Variants in TMEM74 observed in about 807,000 individuals in gnomAD.
TMEM74 encodes transmembrane protein 74.
TMEM74 carries 13 observed loss-of-function variants against 18.1 expected under a neutral mutation model. The observed-to-expected ratio is 0.72, with a 90% CI of 0.47 to 1.14. The LOEUF is 1.14. TMEM74 is among the 50% of genes most tolerant of loss of function. TMEM74 has a pLI of 0.00. For missense variants in TMEM74, 372 were observed against 375.9 expected (o/e 0.99, Z 0.09); for synonymous variants, 159 against 146.6 (o/e 1.08, Z -0.61).
In TMEM74 at chr8:108,764,993, G is replaced by A. The variant is rs191901571; in HGVS notation, n.119+22483C>T. ...TATATCACATTTTTAGGGCTCTGAT[G>A]TGTCTGGGCCTTCTAGTCTCTTCCC... On this transcript the variant is annotated intron_variant and non_coding_transcript_variant, in intron 1 of 3. Coordinates refer to the TMEM74 transcript ENST00000518838. 3.7e-4 allele frequency among the ~76,000 whole-genome samples: 57 copies of A among 152,248 alleles called. 1 individual carries two copies. The highest frequency in any genetic ancestry group is 2.7e-3 in the Admixed American group (42 of 15,294).
intron 1 of TMEM74, among the ~76,000 whole-genome samples, chr8:108,748,800 G>A (rs1339621290): frequency 1.3e-5 from 2 of 151,496 alleles, no homozygotes; most frequent in Non-Finnish European, 2.9e-5. Context: ...TCCAGTTTCA[G>A]TTTTTCTCAT....
chr8:108,662,515 CA>C (rs1300683060), intron 1 of TMEM74, among the ~76,000 whole-genome samples: 1 of 152,086 alleles, frequency 6.6e-6, no homozygotes. Flanking sequence ...CGTTTTTCCA[CA>C]AAGAGTTTAG....
chr8:108,683,793 A>G (rs1024469137), intron 1 of TMEM74, among the ~76,000 whole-genome samples: 2 of 151,796 alleles, frequency 1.3e-5, no homozygotes, highest in African/African-American at 4.8e-5. Flanking sequence ...CCTCTATTCT[A>G]CTCTTTACTT....
At chr8:108,638,806 C>G (rs747490464) in intron 2 of TMEM74, among the ~76,000 whole-genome samples, 2 of 152,074 alleles carry the variant, frequency 1.3e-5, no homozygotes, top group Non-Finnish European at 2.9e-5. Context: ...GTGGGCTGAT[C>G]GCATTAATAG....
At chr8:108,705,001 A>G (rs545458183) in intron 1 of TMEM74, among the ~76,000 whole-genome samples, 2 of 152,334 alleles carry the variant, frequency 1.3e-5, no homozygotes, top group Admixed American at 6.5e-5. Context: ...ATCCGATATA[A>G]TGTATGAGGG....
chr8:108,713,608 A>C (rs1329407402), intron 1 of TMEM74, among the ~76,000 whole-genome samples: 1 of 152,232 alleles, frequency 6.6e-6, no homozygotes, highest in Admixed American at 6.5e-5. Context: ...AAACTGTGAT[A>C]GCAGCTATGG....
At chr8:108,658,656 G>A (rs1812869813) in intron 1 of TMEM74, among the ~76,000 whole-genome samples, 2 of 152,166 alleles carry the variant, frequency 1.3e-5, no homozygotes, top group African/African-American at 2.4e-5. Context: ...GCTGTTCTAG[G>A]AAAGCTTTGC....
chr8:108,636,094 C>G (rs749634168), intron 2 of TMEM74, among the ~76,000 whole-genome samples: 1 of 152,020 alleles, frequency 6.6e-6, no homozygotes, highest in Non-Finnish European at 1.5e-5. Context: ...GTAGCTCCTC[C>G]CCACTCTGTA....
intron 1 of TMEM74, among the ~76,000 whole-genome samples, chr8:108,766,792 G>A (rs1004563850): frequency 2.0e-5 from 3 of 152,138 alleles, no homozygotes; most frequent in South Asian, 2.1e-4. Flanking sequence ...AGCCGCCAGC[G>A]CAGCTTTCAG....
At chr8:108,663,147 G>A (rs1812917086) in intron 1 of TMEM74, among the ~76,000 whole-genome samples, 1 of 152,080 alleles carries the variant, frequency 6.6e-6, no homozygotes, top group African/African-American at 2.4e-5. Flanking sequence ...TCATCAGAGT[G>A]AACAGACAGC....
At chr8:108,760,175 G>A (rs796792111) in intron 1 of TMEM74, among the ~76,000 whole-genome samples, 10,062 of 136,096 alleles carry the variant, frequency 0.074, 478 homozygotes, top group East Asian at 0.22. Context: ...AGAGAGAGAG[G>A]GAGAGAGAGA....
intron 2 of TMEM74, among the ~76,000 whole-genome samples, chr8:108,617,257 C>T (rs1812393795): frequency 6.6e-6 from 1 of 151,902 alleles, no homozygotes; most frequent in Non-Finnish European, 1.5e-5. Flanking sequence ...TTAGTTTGGT[C>T]CTTTGGTTTC....
At chr8:108,617,009 TTA>T (rs1327203481) in intron 2 of TMEM74, among the ~76,000 whole-genome samples, 1 of 151,712 alleles carries the variant, frequency 6.6e-6, no homozygotes, top group Non-Finnish European at 1.5e-5. Context: ...GACTATATAT[TTA>T]TATATAGTGG....
At chr8:108,650,998 A>C (rs891846024) in intron 2 of TMEM74, among the ~76,000 whole-genome samples, 1 of 152,166 alleles carries the variant, frequency 6.6e-6, no homozygotes, top group Non-Finnish European at 1.5e-5. Flanking sequence ...GGCGTGAGCC[A>C]CCACACCTCG....
chr8:108,681,611 G>T (rs926080399), intron 1 of TMEM74, among the ~76,000 whole-genome samples: 29 of 152,262 alleles, frequency 1.9e-4, no homozygotes, highest in African/African-American at 7.0e-4. Context: ...CCACTCCAAG[G>T]AAAAGAAGTA....
chr8:108,652,009 A>G (rs141497059), intron 2 of TMEM74, among the ~76,000 whole-genome samples: 84 of 151,940 alleles, frequency 5.5e-4, no homozygotes, highest in African/African-American at 1.9e-3. Context: ...ACTTAAAATC[A>G]TGCCACATTT....
intron 1 of TMEM74, among the ~76,000 whole-genome samples, chr8:108,736,907 T>C (rs999362825): frequency 1.3e-5 from 2 of 152,138 alleles, no homozygotes; most frequent in South Asian, 2.1e-4. Flanking sequence ...GATGGCCTTA[T>C]TGCAGCTTAG....
Position 108,702,293 on chromosome 8 carries a change from C to T in TMEM74, n.120-46856G>A, listed in dbSNP as rs866289486. On this transcript the variant is annotated intron_variant and non_coding_transcript_variant, in intron 1 of 3. Coordinates refer to the TMEM74 transcript ENST00000518838. ...CTGGGAGGCGGAGGTTGCAGTGAGCCGAGATTGAGCCACTGCACTCCAGCC... is the reference window on the plus strand; with the variant it reads ...CTGGGAGGCGGAGGTTGCAGTGAGCTGAGATTGAGCCACTGCACTCCAGCC... Among the ~76,000 whole-genome samples, 3 of 146,602 alleles carry T rather than the reference C, an allele frequency of 2.0e-5. No homozygotes were observed. In the South Asian group the frequency reaches 6.5e-4, roughly 32 times the overall value.
At chr8:108,679,399 T>G (rs867774614) in intron 1 of TMEM74, among the ~76,000 whole-genome samples, 4 of 152,186 alleles carry the variant, frequency 2.6e-5, no homozygotes, top group African/African-American at 4.8e-5. Context: ...CCACATCCTC[T>G]CCAGCACCTG....
Sources: allele counts gnomAD v4.1 joint callset (sites outside exome capture counted in the v4.1 genomes callset), GRCh38; gene constraint gnomAD v4.1.1; transcripts MANE v1.5; gene names NCBI Gene and HGNC (gene_info 2026-07-23, HGNC 2026-07-21).